The following ATRNL1 variants were observed in gnomAD, a reference collection of about 807,000 sequenced individuals.
ATRNL1 encodes the protein attractin-like protein 1.
In ATRNL1, 95 loss-of-function variants were observed where a neutral mutation model predicts 182.7. The observed-to-expected ratio is 0.52, with a 90% confidence interval of 0.44 to 0.62. ATRNL1 has a LOEUF of 0.62. Ranked by LOEUF, ATRNL1 falls within the 20% of genes least tolerant of loss-of-function variation. ATRNL1 has a pLI of 0.00. For missense variants in ATRNL1, 1,471 were observed against 1,679.5 expected, an observed-to-expected ratio of 0.88 and a Z score of 2.17; for synonymous variants, 576 against 568.3, an observed-to-expected ratio of 1.01 and a Z score of -0.19.
At chr10:115,485,806 C>A (rs1848991563) in intron 24 of ATRNL1, among the ~76,000 whole-genome samples, 1 of 151,908 alleles carries the variant, frequency 6.6e-6, no homozygotes, top group Non-Finnish European at 1.5e-5. Context: ...AGGTTTGTTA[C>A]ATAGGTATAC....
At chr10:115,828,911 G>C (rs1225816533) in intron 27 of ATRNL1, among the ~76,000 whole-genome samples, 1 of 152,104 alleles carries the variant, frequency 6.6e-6, no homozygotes, top group Non-Finnish European at 1.5e-5. Flanking sequence ...CCCATTATTA[G>C]CCCTCTCCAA....
intron 17 of ATRNL1, among the ~76,000 whole-genome samples, chr10:115,308,779 G>A (rs1853865637): frequency 6.6e-6 from 1 of 152,072 alleles, no homozygotes; most frequent in Non-Finnish European, 1.5e-5. Flanking sequence ...TTCCTTTTAT[G>A]TATTTTTGTT....
intron 9 of ATRNL1, among the ~76,000 whole-genome samples, chr10:115,234,969 C>T (rs1355573946): frequency 6.6e-6 from 1 of 152,034 alleles, no homozygotes; most frequent in Non-Finnish European, 1.5e-5. Context: ...GATTTTGATA[C>T]TTTTTTCCTT....
At chr10:115,626,879 T>A (rs185169945) in intron 26 of ATRNL1, among the ~76,000 whole-genome samples, 46 of 152,342 alleles carry the variant, frequency 3.0e-4, no homozygotes, top group Admixed American at 2.6e-3. Context: ...GAGGTTATAC[T>A]GTTGATTAGC....
At chr10:115,325,431 C>T (rs1554932890) in intron 18 of ATRNL1, among the ~76,000 whole-genome samples, 1 of 152,150 alleles carries the variant, frequency 6.6e-6, no homozygotes, top group African/African-American at 2.4e-5. Flanking sequence ...GCCATTATGC[C>T]TGGGTCCCCT....
At chr10:115,526,246 C>T (rs940928445) in intron 25 of ATRNL1, among the ~76,000 whole-genome samples, 1 of 152,124 alleles carries the variant, frequency 6.6e-6, no homozygotes, top group African/African-American at 2.4e-5. Context: ...TCTGTCATCT[C>T]TGGAGCTCTG....
At chr10:115,394,303 T>G (rs1222234219) in intron 19 of ATRNL1, among the ~76,000 whole-genome samples, 1 of 152,028 alleles carries the variant, frequency 6.6e-6, no homozygotes, top group Non-Finnish European at 1.5e-5. Context: ...ATGTAAATTT[T>G]GAACCCAAGC....
At chr10:115,408,493 A>G (rs1554958961) in intron 20 of ATRNL1, among the ~76,000 whole-genome samples, 1 of 152,190 alleles carries the variant, frequency 6.6e-6, no homozygotes, top group African/African-American at 2.4e-5. Context: ...TGTCAGATGA[A>G]TAGTTTGCAA....
chr10:115,483,617 T>G (rs1191755737), intron 24 of ATRNL1, among the ~76,000 whole-genome samples: 1 of 151,580 alleles, frequency 6.6e-6, no homozygotes, highest in Admixed American at 6.6e-5. Flanking sequence ...TTTAGATTTA[T>G]CAATTTTATT....
chr10:115,254,057 C>A (rs936503419), intron 10 of ATRNL1, among the ~76,000 whole-genome samples: 3 of 152,156 alleles, frequency 2.0e-5, no homozygotes, highest in Admixed American at 6.5e-5. Context: ...TGGGTTGGTT[C>A]CAAGCCTTTG....
intron 15 of ATRNL1, among the ~76,000 whole-genome samples, chr10:115,291,462 T>C (rs1426776283): frequency 1.3e-5 from 2 of 152,160 alleles, no homozygotes; most frequent in African/African-American, 4.8e-5. Flanking sequence ...ACATATGGCC[T>C]TTATTATTTT....
chr10:115,670,244 T>C (rs1945652682), intron 26 of ATRNL1, among the ~76,000 whole-genome samples: 1 of 152,092 alleles, frequency 6.6e-6, no homozygotes, highest in Non-Finnish European at 1.5e-5. Flanking sequence ...TTAATATATG[T>C]GTAGTGCTTA....
At chr10:115,294,298 C>T (rs1390246652) in intron 15 of ATRNL1, among the ~76,000 whole-genome samples, 2 of 152,148 alleles carry the variant, frequency 1.3e-5, no homozygotes, top group Admixed American at 6.5e-5. Context: ...CTAGCCTAGG[C>T]AACATAGCAA....
chr10:115,658,429 T>C (rs533313374), intron 26 of ATRNL1, among the ~76,000 whole-genome samples: 1 of 152,252 alleles, frequency 6.6e-6, no homozygotes, highest in East Asian at 1.9e-4. Context: ...TTTATTATAT[T>C]TGTTGAATGA....
At chr10:115,617,551 G>A (rs1363231767) in intron 26 of ATRNL1, among the ~76,000 whole-genome samples, 1 of 151,820 alleles carries the variant, frequency 6.6e-6, no homozygotes, top group African/African-American at 2.4e-5. Context: ...GTAGAGACGG[G>A]GTTTCACCAT....
At chr10:115,823,392 AC>A (rs1223519327) in intron 27 of ATRNL1, among the ~76,000 whole-genome samples, 2 of 152,248 alleles carry the variant, frequency 1.3e-5, no homozygotes, top group East Asian at 3.9e-4. Flanking sequence ...TTCTCTCATC[AC>A]TCCTATTCAA....
intron 26 of ATRNL1, among the ~76,000 whole-genome samples, chr10:115,679,046 C>T (rs1945960208): frequency 1.3e-5 from 2 of 152,094 alleles, no homozygotes; most frequent in South Asian, 4.1e-4. Flanking sequence ...ATCCACTGTG[C>T]AGTAGTTGTA....
At chr10:115,150,759 A>G (rs1846187326) in intron 5 of ATRNL1, among the ~76,000 whole-genome samples, 1 of 152,140 alleles carries the variant, frequency 6.6e-6, no homozygotes, top group South Asian at 2.1e-4. Flanking sequence ...GTTCTAGGAC[A>G]CATGTGTACA....
chr10:115,319,396 A>T (rs1457401395), intron 18 of ATRNL1, among the ~76,000 whole-genome samples: 12 of 152,214 alleles, frequency 7.9e-5, no homozygotes, highest in African/African-American at 2.4e-4. Context: ...GTAGAAGTCT[A>T]TTAGGTCCAC....
Sources: gnomAD v4.1 joint callset for allele counts (sites outside exome capture counted in the v4.1 genomes callset) on GRCh38, gnomAD v4.1.1 for gene constraint, MANE v1.5 for transcripts, NCBI Gene and HGNC (gene_info 2026-07-23, HGNC 2026-07-21) for gene names.